SLC12A8: variants seen among roughly 807,000 people sequenced by gnomAD.
SLC12A8 encodes the protein cation-chloride cotransporter 9.
In SLC12A8, 69 loss-of-function variants were observed where a neutral mutation model predicts 75.6. The ratio of observed to expected loss-of-function variants is 0.91; its 90% CI spans 0.75 to 1.11. The LOEUF (loss-of-function observed/expected upper bound fraction) is 1.11, where lower values mean the gene tolerates loss of function less well. Ranked by LOEUF, SLC12A8 falls within the 50% of genes most tolerant of loss-of-function variation. SLC12A8 has a pLI of 0.00. For missense variants in SLC12A8, 877 were observed against 896.7 expected, an observed-to-expected ratio of 0.98 and a Z score of 0.28; for synonymous variants, 365 against 372.8, an observed-to-expected ratio of 0.98 and a Z score of 0.24.
chr3:125,167,358 C>A (rs79273943), intron 5 of SLC12A8, among the ~76,000 whole-genome samples: 3 of 152,182 alleles, frequency 2.0e-5, no homozygotes, highest in African/African-American at 7.2e-5. Context: ...GTTGGCCAGG[C>A]TGGTCTCAAA....
chr3:125,134,549 C>T (rs929792779), intron 6 of SLC12A8, among the ~76,000 whole-genome samples: 3 of 152,168 alleles, frequency 2.0e-5, no homozygotes, highest in African/African-American at 7.2e-5. Flanking sequence ...AGTTCATGTA[C>T]AAATCTTCAT....
intron 6 of SLC12A8, among the ~76,000 whole-genome samples, chr3:125,127,827 T>A (rs1933245639): frequency 6.6e-6 from 1 of 152,240 alleles, no homozygotes; most frequent in Admixed American, 6.5e-5. Context: ...ATAAAACAAT[T>A]ATAAATTAAT....
chr3:125,188,034 C>T (rs941188895), intron 3 of SLC12A8, among the ~76,000 whole-genome samples: 2 of 152,080 alleles, frequency 1.3e-5, no homozygotes, highest in South Asian at 2.1e-4. Flanking sequence ...GATTTGGATC[C>T]CTTCCAAATC....
intron 4 of SLC12A8, among the ~76,000 whole-genome samples, chr3:125,181,317 A>G (rs1399504757): frequency 6.6e-6 from 1 of 152,208 alleles, no homozygotes; most frequent in African/African-American, 2.4e-5. Flanking sequence ...AAAAAGAAAA[A>G]TAGGCCAGGC....
At position 125,083,714 on chromosome 3, in the gene SLC12A8, T is replaced by A. The variant is rs1476090997; in HGVS notation, c.*176A>T. On this transcript the variant is annotated 3_prime_UTR_variant, in exon 14 of 14. Coordinates refer to ENST00000469902, the MANE Select transcript of SLC12A8 (RefSeq NM_024628.6). ...TCCAGCCTGGGTGACAGGGCGAGAC[T>A]CTGTCTCAAAAAAAAAAAAAAAGGG... is the stretch of plus-strand genomic sequence containing the variant. The A allele has an allele frequency of 4.8e-6, 3 of 626,950 alleles. No individual in the cohort carries two copies. The highest frequency in any genetic ancestry group is 3.3e-5 in the Admixed American group (1 of 30,610). 38.8% of individuals were successfully genotyped at this position (626,950 alleles called of 1,614,324 possible). A position where few individuals can be genotyped will look rare whatever the true frequency, so the allele number is the denominator to read the frequency against.
intron 8 of SLC12A8, chr3:125,110,832 A>G (rs1162670465): frequency 6.6e-6 from 1 of 152,580 alleles, no homozygotes; most frequent in Non-Finnish European, 1.5e-5. Context: ...TCTGACCACA[A>G]TGTCTCCGTT....
intron 10 of SLC12A8, among the ~76,000 whole-genome samples, chr3:125,103,608 G>T (rs995122104): frequency 1.3e-5 from 2 of 151,990 alleles, no homozygotes; most frequent in African/African-American, 2.4e-5. Context: ...GGAACTACAG[G>T]CATGTGTCAT....
At chr3:125,128,199 G>A (rs1028330130) in intron 6 of SLC12A8, among the ~76,000 whole-genome samples, 2 of 37,350 alleles carry the variant, frequency 5.4e-5, no homozygotes, top group South Asian at 7.3e-4. Context: ...TTTTTTTTTT[G>A]AGACGGAGTC....
chr3:125,135,286 A>G (rs1933458581), intron 6 of SLC12A8, among the ~76,000 whole-genome samples: 1 of 152,234 alleles, frequency 6.6e-6, no homozygotes, highest in Admixed American at 6.5e-5. Flanking sequence ...CCACCTGTGG[A>G]AAGAGCGGCT....
At chr3:125,139,744 T>A (rs2107763610) in intron 5 of SLC12A8, among the ~76,000 whole-genome samples, 1 of 152,250 alleles carries the variant, frequency 6.6e-6, no homozygotes, top group Middle Eastern at 3.4e-3. Flanking sequence ...ACACCCAGGG[T>A]AGGGCTGAGG....
intron 8 of SLC12A8, among the ~76,000 whole-genome samples, chr3:125,113,235 C>T (rs1480796226): frequency 6.6e-6 from 1 of 152,058 alleles, no homozygotes; most frequent in Non-Finnish European, 1.5e-5. Flanking sequence ...CCTCCAGAGC[C>T]CTAGGAGCTG....
intron 10 of SLC12A8, among the ~76,000 whole-genome samples, chr3:125,097,528 TTGTGTGTGTGTG>T (rs147038912): frequency 0.02 from 2,776 of 139,452 alleles, 54 homozygotes; most frequent in Admixed American, 0.049. Flanking sequence ...CTAAAGGGAA[TTGTGTGTGTGTG>T]TGTGTGTGTG....
At chr3:125,169,036 AG>A (rs1332960277) in intron 5 of SLC12A8, among the ~76,000 whole-genome samples, 1 of 152,216 alleles carries the variant, frequency 6.6e-6, no homozygotes, top group African/African-American at 2.4e-5. Context: ...ATAACCAAAA[AG>A]CTTCAGCTTG....
At chr3:125,088,444 G>T in intron 12 of SLC12A8, 74 bp from the exon 13 acceptor site, 1 of 1,304,528 alleles carries the variant, frequency 7.7e-7, no homozygotes, top group Non-Finnish European at 1.1e-6. Context: ...TTTTAATAGG[G>T]TGAATGCAAA....
intron 10 of SLC12A8, among the ~76,000 whole-genome samples, chr3:125,096,292 C>T (rs1300707499): frequency 6.6e-6 from 1 of 152,198 alleles, no homozygotes; most frequent in Admixed American, 6.5e-5. Context: ...TTCCTCCCCA[C>T]CCTGGTCTCT....
chr3:125,202,495 C>T (rs1935142791), intron 2 of SLC12A8, among the ~76,000 whole-genome samples: 1 of 152,148 alleles, frequency 6.6e-6, no homozygotes, highest in South Asian at 2.1e-4. Flanking sequence ...TCCTTGCAAA[C>T]CCCAGACGAT....
chr3:125,192,105 T>C (rs1199327279), intron 2 of SLC12A8, among the ~76,000 whole-genome samples: 1 of 152,114 alleles, frequency 6.6e-6, no homozygotes, highest in African/African-American at 2.4e-5. Context: ...TTCCTGTCTC[T>C]GCTTGTGTTC....
intron 10 of SLC12A8, among the ~76,000 whole-genome samples, chr3:125,095,773 GA>G (rs1403125768): frequency 6.6e-6 from 1 of 152,202 alleles, no homozygotes; most frequent in African/African-American, 2.4e-5. Flanking sequence ...TCCCTGAGTG[GA>G]TGCATGGAAG....
intron 4 of SLC12A8, among the ~76,000 whole-genome samples, chr3:125,182,098 G>T (rs967829937): frequency 1.3e-5 from 2 of 152,222 alleles, no homozygotes; most frequent in East Asian, 1.9e-4. Flanking sequence ...ACCAAAGTGG[G>T]AGGATTGCTT....
Sources: allele counts gnomAD v4.1 joint callset (sites outside exome capture counted in the v4.1 genomes callset), GRCh38; gene constraint gnomAD v4.1.1; transcripts MANE v1.5; gene names NCBI Gene and HGNC (gene_info 2026-07-23, HGNC 2026-07-21).